The following LRRC42 variants were observed in gnomAD, a reference collection of about 807,000 sequenced individuals.
LRRC42 encodes the protein leucine-rich repeat-containing protein 42.
LRRC42 carries 43 observed loss-of-function variants against 44.3 expected under a neutral mutation model. The observed-to-expected ratio is 0.97, with a 90% CI of 0.76 to 1.25. The LOEUF is 1.25. Ranked by LOEUF, LRRC42 falls within the 50% of genes most tolerant of loss-of-function variation. The pLI, the probability that LRRC42 is intolerant of heterozygous loss-of-function variation, is 0.00. For synonymous variants in LRRC42, 207 were observed against 195.2 expected (o/e 1.06, Z -0.50); for missense variants, 540 against 509.1 (o/e 1.06, Z -0.58).
chr1:53,962,926 T>C (rs1415384056), intron 7 of LRRC42, among the ~76,000 whole-genome samples: 1 of 152,200 alleles, frequency 6.6e-6, no homozygotes, highest in African/African-American at 2.4e-5. Flanking sequence ...TTTGACTTCC[T>C]TTTGTCTTGA....
At chr1:53,952,787 A>G (rs1352097330) in intron 3 of LRRC42, among the ~76,000 whole-genome samples, 2 of 152,214 alleles carry the variant, frequency 1.3e-5, no homozygotes, top group Admixed American at 6.5e-5. Flanking sequence ...ATATCTCTTG[A>G]TACGCTCTTA....
chr1:53,965,002 TTTTTTG>T (rs1247354309), intron 7 of LRRC42, among the ~76,000 whole-genome samples: 7 of 110,448 alleles, frequency 6.3e-5, no homozygotes, highest in African/African-American at 2.9e-4. Flanking sequence ...TGTATTGTTT[TTTTTTG>T]TTTTTTTTTT....
At position 53,966,382 on chromosome 1, in the gene LRRC42, T is replaced by C; in HGVS notation, c.1012+2T>C. ...CTAGAGCAGCAGCTCAGCGCTTCTGTGAGAAATTCCCTTTCCTTTGAAGTT... is the reference window on the plus strand; with the variant it reads ...CTAGAGCAGCAGCTCAGCGCTTCTGCGAGAAATTCCCTTTCCTTTGAAGTT... On this transcript the variant is annotated splice_donor_variant, in intron 8 of 8. Coordinates refer to ENST00000371370, the MANE Select transcript of LRRC42 (RefSeq NM_001256409.2). LOFTEE classifies it high-confidence loss of function. The C allele has an allele frequency of 6.2e-7, 1 of 1,610,640 alleles. No homozygotes were observed. Among genetic ancestry groups the C allele is most frequent in the South Asian group, 1.1e-5 (1 of 91,000 alleles).
intron 2 of LRRC42, among the ~76,000 whole-genome samples, chr1:53,950,165 G>A (rs939594893): frequency 3.3e-5 from 5 of 152,202 alleles, no homozygotes; most frequent in African/African-American, 1.2e-4. Flanking sequence ...GCAGGGGTTA[G>A]GGAAGGTTTC....
At chr1:53,947,547 T>C (rs1654543110) in intron 1 of LRRC42, among the ~76,000 whole-genome samples, 1 of 152,172 alleles carries the variant, frequency 6.6e-6, no homozygotes. Context: ...TGTTAGAAAT[T>C]TTCCCAAGAA....
In LRRC42 at chr1:53,967,862, A is replaced by T; in HGVS notation, c.1210A>T (p.Asn404Tyr). 3.7e-6 allele frequency: 6 copies of T among 1,614,208 alleles called. No homozygotes were observed. Among genetic ancestry groups the T allele is most frequent in the Non-Finnish European group, 5.1e-6 (6 of 1,180,022 alleles). Residue 404 changes from asparagine to tyrosine, a missense_variant, in exon 9 of 9, where the codon AAT becomes TAT. Transcript: ENST00000371370. ...TTTTGAGGAGTCAGAGACAGAACAG[A>T]ATAACTCTTCACAACCTTCAAAGCA... is the stretch of plus-strand genomic sequence containing the variant. Reference protein sequence around the residue: ...RPFEESETEQNNSSQPSKQKY... With the variant: ...RPFEESETEQYNSSQPSKQKY...
At chr1:53,963,632 C>T (rs566346481) in intron 7 of LRRC42, among the ~76,000 whole-genome samples, 6 of 152,202 alleles carry the variant, frequency 3.9e-5, no homozygotes, top group Admixed American at 6.5e-5. Context: ...TCCTGCCCTC[C>T]GCCCTCAGCT....
intron 3 of LRRC42, among the ~76,000 whole-genome samples, chr1:53,952,745 G>GA (rs1381337766): frequency 6.6e-6 from 1 of 152,154 alleles, no homozygotes; most frequent in Non-Finnish European, 1.5e-5. Context: ...CTTTCAAAGA[G>GA]AAAATAGAAA....
chr1:53,946,609 G>C (rs1240913894), intron 1 of LRRC42, 60 bp downstream of exon 1: 1 of 151,926 alleles, frequency 6.6e-6, no homozygotes, highest in Non-Finnish European at 1.5e-5. Flanking sequence ...TGGGAGCGGG[G>C]GCGGGGTGTT....
chr1:53,961,342 C>T (rs1467642564), intron 5 of LRRC42, among the ~76,000 whole-genome samples: 5 of 151,660 alleles, frequency 3.3e-5, no homozygotes, highest in South Asian at 4.2e-4. Flanking sequence ...ATCCGGGAGG[C>T]GGAGCTTGCA....
At chr1:53,950,196 A>G (rs1250891193) in intron 2 of LRRC42, among the ~76,000 whole-genome samples, 1 of 152,200 alleles carries the variant, frequency 6.6e-6, no homozygotes, top group Non-Finnish European at 1.5e-5. Context: ...GACGAAGTTA[A>G]TGATGAGTAG....
chr1:53,965,230 C>T (rs556361954), intron 7 of LRRC42, among the ~76,000 whole-genome samples: 4 of 152,040 alleles, frequency 2.6e-5, no homozygotes, highest in African/African-American at 9.6e-5. Context: ...TGTGATCCGC[C>T]TGCCTCGGCC....
intron 3 of LRRC42, among the ~76,000 whole-genome samples, chr1:53,954,173 C>T (rs1654768519): frequency 6.6e-6 from 1 of 152,126 alleles, no homozygotes; most frequent in South Asian, 2.1e-4. Flanking sequence ...TTTATTTAAT[C>T]AGCTCATAGA....
At chr1:53,960,324 G>C in intron 4 of LRRC42, 32 bp from the exon 5 acceptor site, 1 of 1,453,668 alleles carries the variant, frequency 6.9e-7, no homozygotes, top group East Asian at 2.3e-5. Flanking sequence ...AACTCTCTTT[G>C]AGTAATTTAT....
chr1:53,961,974 G>C, intron 5 of LRRC42, 60 bp from the exon 6 acceptor site: 1 of 1,246,886 alleles, frequency 8.0e-7, no homozygotes, highest in Non-Finnish European at 1.2e-6. Flanking sequence ...GCTTATTTTT[G>C]GTTGTCATTT....
chr1:53,952,413 A>C lies in LRRC42; in HGVS notation c.414A>C (p.Leu138Phe). The C allele has an allele frequency of 6.2e-7, 1 of 1,610,614 alleles. No individual in the cohort carries two copies. The highest frequency in any genetic ancestry group is 8.5e-7 in the Non-Finnish European group (1 of 1,177,018). Residue 138 changes from leucine (L) to phenylalanine (F), a missense_variant, in exon 3 of 9, where the codon TTA becomes TTC. Physicochemically the swap from Leu to Phe is conservative, Grantham distance 22. Transcript: ENST00000371370. Reference sequence around the variant, plus strand: ...AGCCAGGTGCAGGGCTGAGGGCTTTACAGAAATTCACTGAGGCCTATGGAA... The same window carrying C: ...AGCCAGGTGCAGGGCTGAGGGCTTTCCAGAAATTCACTGAGGCCTATGGAA... ...FTEPGAGLRA[L>F]QKFTEAYGSL...
At chr1:53,958,907 C>T (rs889777871) in intron 4 of LRRC42, among the ~76,000 whole-genome samples, 6 of 151,164 alleles carry the variant, frequency 4.0e-5, no homozygotes, top group African/African-American at 1.2e-4. Flanking sequence ...TTTCTTTAGA[C>T]GGAGTCTTGC....
chr1:53,967,674 G>C lies in LRRC42; in HGVS notation c.1022G>C (p.Arg341Pro). 6.2e-7 allele frequency: 1 copy of C among 1,613,798 alleles called. No homozygotes were observed. Among genetic ancestry groups the C allele is most frequent in the African/African-American group, 1.3e-5 (1 of 74,990 alleles). Residue 341 changes from arginine to proline, a missense_variant, in exon 9 of 9, where the codon CGG becomes CCG. Transcript: ENST00000371370. ...CTCCCTTCTGTCACAGATGGGAAGC[G>C]GTCTCGAGCAGAAGCCCCACTGAAG... is the stretch of plus-strand genomic sequence containing the variant. The part of the protein sequence containing the change: ...RAAAQRFYGK[R>P]SRAEAPLKCP...
chr1:53,967,672 G>A lies in LRRC42; in HGVS notation c.1020G>A (p.Lys340=), dbSNP rs192607357. 1 of 1,613,814 alleles carries A rather than the reference G, an allele frequency of 6.2e-7. No individual in the cohort carries two copies. The highest frequency in any genetic ancestry group is 1.7e-5 in the Admixed American group (1 of 59,986). ...PRAAAQRFYG[K]RSRAEAPLKC... ...CCCTCCCTTCTGTCACAGATGGGAA[G>A]CGGTCTCGAGCAGAAGCCCCACTGA... The change falls in exon 9 of 9, where the codon AAG becomes AAA. Residue 340 remains lysine, a synonymous_variant. Coordinates refer to ENST00000371370, the MANE Select transcript of LRRC42 (RefSeq NM_001256409.2).
Sources: allele counts gnomAD v4.1 joint callset (sites outside exome capture counted in the v4.1 genomes callset), GRCh38; gene constraint gnomAD v4.1.1; transcripts MANE v1.5; gene names NCBI Gene and HGNC (gene_info 2026-07-23, HGNC 2026-07-21).